Variants in GPR158 observed in about 807,000 individuals in gnomAD.
GPR158 encodes the protein metabotropic glycine receptor.
A neutral mutation model predicts 78.2 loss-of-function variants in GPR158; 30 were observed. The observed-to-expected ratio is 0.38, with a 90% CI of 0.29 to 0.52. The LOEUF is 0.52. GPR158 is among the 20% of genes least tolerant of loss of function. The pLI, the probability that GPR158 is intolerant of heterozygous loss-of-function variation, is 0.83. For synonymous variants in GPR158, 581 were observed against 591.1 expected (o/e 0.98, Z 0.25); for missense variants, 1,463 against 1,523.5 (o/e 0.96, Z 0.66).
Position 25,497,608 on chromosome 10 carries a change from C to T in GPR158, c.1404+30889C>T, listed in dbSNP as rs1054606981. ...CTCTTCAGGAGAGAGTCTCTATTCT[C>T]GGTATTTAGTTTGTTGGATTTTTTT... On this transcript the variant is annotated intron_variant, in intron 5 of 10. Transcript: ENST00000376351. Among the ~76,000 whole-genome samples the T allele has an allele frequency of 2.5e-4, 38 of 151,826 alleles. 1 individual carries two copies. The highest frequency in any genetic ancestry group is 5.9e-5 in the Non-Finnish European group (4 of 67,990).
At chr10:25,426,055 G>A (rs908747074) in intron 4 of GPR158, among the ~76,000 whole-genome samples, 1 of 152,066 alleles carries the variant, frequency 6.6e-6, no homozygotes. Context: ...TAAAATTCTG[G>A]TTCTTTAATT....
At chr10:25,344,911 C>G (rs1440939628) in intron 2 of GPR158, among the ~76,000 whole-genome samples, 1 of 151,926 alleles carries the variant, frequency 6.6e-6, no homozygotes, top group African/African-American at 2.4e-5. Flanking sequence ...AGTGACTTCT[C>G]ACTCTATCTT....
At chr10:25,316,694 C>T (rs750020187) in intron 2 of GPR158, among the ~76,000 whole-genome samples, 10 of 151,992 alleles carry the variant, frequency 6.6e-5, no homozygotes, top group African/African-American at 1.2e-4. Flanking sequence ...ACAAGTTGTG[C>T]GATTTTCAAC....
intron 2 of GPR158, among the ~76,000 whole-genome samples, chr10:25,380,736 T>C (rs558767391): frequency 4.6e-5 from 7 of 152,222 alleles, no homozygotes; most frequent in Non-Finnish European, 1.0e-4. Context: ...AAGATCACTC[T>C]GTGTAATATA....
At chr10:25,345,557 G>T (rs1855361226) in intron 2 of GPR158, among the ~76,000 whole-genome samples, 1 of 151,984 alleles carries the variant, frequency 6.6e-6, no homozygotes, top group African/African-American at 2.4e-5. Context: ...AACATGGAGA[G>T]ATACCAGCCC....
chr10:25,357,097 C>T (rs1253864340), intron 2 of GPR158, among the ~76,000 whole-genome samples: 1 of 152,054 alleles, frequency 6.6e-6, no homozygotes, highest in Non-Finnish European at 1.5e-5. Context: ...TGGCATTTTG[C>T]CCCTGCCCTA....
chr10:25,513,213 G>T (rs556231090), intron 5 of GPR158, among the ~76,000 whole-genome samples: 1 of 150,828 alleles, frequency 6.6e-6, no homozygotes, highest in Non-Finnish European at 1.5e-5. Flanking sequence ...TTTCAGTCTC[G>T]CTGTTTGCCA....
chr10:25,597,573 A>G (rs1489491897), intron 10 of GPR158, among the ~76,000 whole-genome samples, 199 bp from the exon 11 acceptor site: 3 of 152,236 alleles, frequency 2.0e-5, no homozygotes, highest in African/African-American at 7.2e-5. Flanking sequence ...TAAGGTCCAC[A>G]CTTTATGTGA....
chr10:25,473,381 A>G (rs1053900322), intron 5 of GPR158, among the ~76,000 whole-genome samples: 5 of 152,128 alleles, frequency 3.3e-5, no homozygotes, highest in Admixed American at 6.5e-5. Context: ...GGATTTTTGC[A>G]TTGATGTTCA....
intron 2 of GPR158, among the ~76,000 whole-genome samples, chr10:25,288,746 C>G (rs1854389563): frequency 6.6e-6 from 1 of 152,104 alleles, no homozygotes; most frequent in Non-Finnish European, 1.5e-5. Context: ...GGCTTTTTCC[C>G]TCCAGTGTTT....
chr10:25,407,217 A>C (rs1400386810), intron 3 of GPR158, among the ~76,000 whole-genome samples: 1 of 152,218 alleles, frequency 6.6e-6, no homozygotes, highest in Non-Finnish European at 1.5e-5. Flanking sequence ...ACTTGCATAT[A>C]AATTCAGAAA....
intron 5 of GPR158, among the ~76,000 whole-genome samples, chr10:25,536,720 T>C (rs1564482963): frequency 6.6e-6 from 1 of 152,206 alleles, no homozygotes; most frequent in Non-Finnish European, 1.5e-5. Flanking sequence ...ACTTTATCTT[T>C]CCATTATATG....
At chr10:25,550,954 T>C (rs772082518) in intron 5 of GPR158, 22 bp from the exon 6 acceptor site, 1 of 1,244,772 alleles carries the variant, frequency 8.0e-7, no homozygotes, top group Non-Finnish European at 1.2e-6. Flanking sequence ...CCTGAAGGTC[T>C]CTTTCTGTTT....
At chr10:25,560,592 A>G (rs114147528) in intron 6 of GPR158, among the ~76,000 whole-genome samples, 3,402 of 152,320 alleles carry the variant, frequency 0.022, 56 homozygotes, top group African/African-American at 0.038. Flanking sequence ...AACTTCTTTT[A>G]TATTGGACTA....
intron 2 of GPR158, among the ~76,000 whole-genome samples, chr10:25,271,416 A>C (rs1485077879): frequency 6.6e-6 from 1 of 152,196 alleles, no homozygotes; most frequent in East Asian, 1.9e-4. Flanking sequence ...AAACATTAAC[A>C]GCAACTCAAG....
intron 4 of GPR158, among the ~76,000 whole-genome samples, chr10:25,450,266 T>TA (rs1425487311): frequency 2.6e-5 from 4 of 151,818 alleles, no homozygotes; most frequent in Admixed American, 2.0e-4. Flanking sequence ...GACAGAAGCC[T>TA]AGTGAGCCAT....
chr10:25,322,974 G>C (rs1276232150), intron 2 of GPR158, among the ~76,000 whole-genome samples: 1 of 152,090 alleles, frequency 6.6e-6, no homozygotes, highest in Non-Finnish European at 1.5e-5. Context: ...AGCCTCCCGA[G>C]TAGCTGGGAC....
At chr10:25,480,429 T>C (rs1259036372) in intron 5 of GPR158, among the ~76,000 whole-genome samples, 2 of 152,238 alleles carry the variant, frequency 1.3e-5, no homozygotes, top group African/African-American at 4.8e-5. Context: ...ATGGCTATTA[T>C]CGATTTCCAA....
At chr10:25,209,824 T>G (rs756403482) in intron 1 of GPR158, among the ~76,000 whole-genome samples, 1 of 152,200 alleles carries the variant, frequency 6.6e-6, no homozygotes, top group Non-Finnish European at 1.5e-5. Flanking sequence ...CACCAAGTAC[T>G]TTGGTACTAA....
Sources: allele counts gnomAD v4.1 joint callset (sites outside exome capture counted in the v4.1 genomes callset), GRCh38; gene constraint gnomAD v4.1.1; transcripts MANE v1.5; gene names NCBI Gene and HGNC (gene_info 2026-07-23, HGNC 2026-07-21).